Variants in LRP6 observed in about 807,000 individuals in gnomAD.
The protein encoded by LRP6 is LDL receptor related protein 6.
LRP6 carries 43 observed loss-of-function variants against 184.1 expected under a neutral mutation model. The observed-to-expected ratio is 0.23, with a 90% CI of 0.18 to 0.30. The LOEUF is 0.30. Among genes scored for constraint, LRP6 ranks in the 10% least tolerant of loss-of-function variants. LRP6 has a pLI of 1.00. For synonymous variants in LRP6, 719 were observed against 684.9 expected, an observed-to-expected ratio of 1.05 and a Z score of -0.78; for missense variants, 1,571 against 2,005.3, an observed-to-expected ratio of 0.78 and a Z score of 4.14.
intron 7 of LRP6, among the ~76,000 whole-genome samples, chr12:12,174,904 G>A (rs1225183845): frequency 1.3e-5 from 2 of 152,244 alleles, no homozygotes; most frequent in Admixed American, 1.3e-4. Context: ...AATTAGATTT[G>A]TACAAAACTA....
At chr12:12,237,295 T>C (rs1366662953) in intron 2 of LRP6, among the ~76,000 whole-genome samples, 2 of 152,034 alleles carry the variant, frequency 1.3e-5, no homozygotes, top group African/African-American at 4.8e-5. Flanking sequence ...TATAAATAAC[T>C]GAATAAATAA....
intron 17 of LRP6, among the ~76,000 whole-genome samples, chr12:12,134,727 A>AT (rs564875213): frequency 9.2e-4 from 140 of 152,258 alleles, no homozygotes; most frequent in African/African-American, 3.2e-3. Context: ...GAATTAATTC[A>AT]TTTTTTTACC....
At chr12:12,127,108 T>C (rs1409448048) in intron 19 of LRP6, among the ~76,000 whole-genome samples, 187 bp from the exon 20 acceptor site, 1 of 152,160 alleles carries the variant, frequency 6.6e-6, no homozygotes, top group African/African-American at 2.4e-5. Flanking sequence ...AATGTCATCA[T>C]TAGGAATCAA....
chr12:12,232,271 G>A (rs138187064), intron 2 of LRP6, among the ~76,000 whole-genome samples: 3 of 151,314 alleles, frequency 2.0e-5, no homozygotes, highest in African/African-American at 7.3e-5. Context: ...GTAGTCCCAG[G>A]TTATTGGGAG....
chr12:12,242,225 T>C (rs1865085212), intron 2 of LRP6, among the ~76,000 whole-genome samples: 1 of 152,202 alleles, frequency 6.6e-6, no homozygotes, highest in Admixed American at 6.5e-5. Flanking sequence ...TTCACATTCA[T>C]GTTACATAAT....
intron 1 of LRP6, among the ~76,000 whole-genome samples, chr12:12,248,635 C>A (rs962545335): frequency 2.6e-5 from 4 of 151,954 alleles, no homozygotes; most frequent in Non-Finnish European, 4.4e-5. Context: ...GCGCCCGCCA[C>A]TACGCCCAGC....
intron 11 of LRP6, among the ~76,000 whole-genome samples, chr12:12,159,497 G>A (rs1207688093): frequency 6.6e-6 from 1 of 152,088 alleles, no homozygotes; most frequent in East Asian, 1.9e-4. Context: ...AGGAAAAGAT[G>A]GAAATATATA....
intron 8 of LRP6, 119 bp downstream of exon 8, chr12:12,164,960 G>A: frequency 2.1e-6 from 1 of 472,136 alleles, no homozygotes; most frequent in South Asian, 2.6e-5. Context: ...AAAAAAGGCG[G>A]GGGGGCAGTA....
rs1478436091 is a variant in LRP6, at chr12:12,159,822, T to C, written c.2422A>G (p.Thr808Ala). The change falls in exon 11 of 23, where the codon ACA becomes GCA. Residue 808 changes from threonine (T) to alanine (A), a missense_variant. Thr to Ala is a moderately conservative substitution (Grantham distance 58). This residue lies in a region of LRP6 where 158 missense variants were observed against 258.4 expected (regional missense o/e 0.61). Coordinates refer to ENST00000261349, the MANE Select transcript of LRP6 (RefSeq NM_002336.3). ...IDYAKRRLYWTDLDTNLIESS... is the reference protein window; with the variant it reads ...IDYAKRRLYWADLDTNLIESS... ...TCTATTAAGTTGGTGTCCAGGTCTG[T>C]CCAATAAAGCCTCCTTTTAGCATAA... is the stretch of plus-strand genomic sequence containing the variant. 3 of 1,614,164 alleles carry C rather than the reference T, an allele frequency of 1.9e-6. No individual in the cohort carries two copies. The highest frequency in any genetic ancestry group is 2.5e-6 in the Non-Finnish European group (3 of 1,180,016).
At chr12:12,164,955 A>AAAAAAAAAAGG in intron 8 of LRP6, 124 bp downstream of exon 8, 1 of 528,570 alleles carries the variant, frequency 1.9e-6, no homozygotes, top group Non-Finnish European at 3.3e-6. Context: ...AAAAAAAAAA[A>AAAAAAAAAAGG]GGCGGGGGGG....
chr12:12,151,478 GAAA>G (rs200629196), intron 12 of LRP6, among the ~76,000 whole-genome samples: 2 of 94,586 alleles, frequency 2.1e-5, no homozygotes, highest in African/African-American at 4.0e-5. Flanking sequence ...CCCATCTAAG[GAAA>G]AAAAAAAAAA....
intron 17 of LRP6, among the ~76,000 whole-genome samples, chr12:12,134,120 T>C (rs1949797637): frequency 6.6e-6 from 1 of 152,222 alleles, no homozygotes; most frequent in South Asian, 2.1e-4. Flanking sequence ...AAACTTATAG[T>C]TCGACGAATA....
intron 6 of LRP6, among the ~76,000 whole-genome samples, chr12:12,180,372 A>G (rs1281335693): frequency 6.6e-6 from 1 of 151,722 alleles, no homozygotes; most frequent in African/African-American, 2.4e-5. Flanking sequence ...TGGCAAACTG[A>G]ATTCTCAAAA....
rs868071066 is a variant in LRP6 at position 12,190,056 on chromosome 12, A to C, written c.648-2937T>G. ...TTACTAAACACTCTGGGGATGCTTG[A>C]TAAAATTAAATGTTTTTAAGAAAAT... On this transcript the variant is annotated intron_variant, in intron 3 of 22. Coordinates refer to ENST00000261349, the MANE Select transcript of LRP6 (RefSeq NM_002336.3). Among the ~76,000 whole-genome samples the C allele has an allele frequency of 1.2e-4, 19 of 152,336 alleles. No homozygotes were observed. In the South Asian group the frequency reaches 1.4e-3, roughly 12 times the overall value.
intron 12 of LRP6, among the ~76,000 whole-genome samples, chr12:12,151,416 T>C (rs1466102091): frequency 1.3e-5 from 2 of 151,638 alleles, no homozygotes; most frequent in African/African-American, 4.9e-5. Context: ...CCTGGGCTTT[T>C]ATAAATTAAA....
chr12:12,129,332 T>C (rs1025961190), intron 19 of LRP6, among the ~76,000 whole-genome samples: 23 of 152,288 alleles, frequency 1.5e-4, no homozygotes, highest in African/African-American at 5.3e-4. Context: ...CTAGGCTCTT[T>C]AGAAGAAAAG....
In LRP6 at chr12:12,262,557, C is replaced by CAAA. The variant is rs57218812; in HGVS notation, c.55+4121_55+4123dup. On this transcript the variant is annotated intron_variant, in intron 1 of 22. Coordinates refer to ENST00000261349, the MANE Select transcript of LRP6 (RefSeq NM_002336.3). Reference sequence around the variant, plus strand: ...TGAGCGACAGAGCGAGACTCCGTCTCAAAAAAAAAAAAAAAAGCAAGCTAA... The same window carrying CAAA: ...TGAGCGACAGAGCGAGACTCCGTCTCAAAAAAAAAAAAAAAAAAAGCAAGCTAA... Among the ~76,000 whole-genome samples the CAAA allele has an allele frequency of 2.4e-4, 18 of 74,478 alleles. No homozygotes were observed. In the South Asian group the frequency reaches 2.8e-3, roughly 12 times the overall value. The allele number at this position is 74,478 out of a possible 152,430, so 48.9% of individuals were successfully genotyped here. A position where few individuals can be genotyped will look rare whatever the true frequency, so the allele number is the denominator to read the frequency against.
intron 2 of LRP6, among the ~76,000 whole-genome samples, chr12:12,216,719 T>C (rs1303989589): frequency 2.0e-5 from 3 of 150,682 alleles, no homozygotes; most frequent in Non-Finnish European, 4.4e-5. Flanking sequence ...CCAATAAAAC[T>C]AACGGATAAT....
chr12:12,240,709 A>G (rs182051364), intron 2 of LRP6, among the ~76,000 whole-genome samples: 39 of 152,324 alleles, frequency 2.6e-4, no homozygotes, highest in African/African-American at 8.9e-4. Context: ...ATGATTTGGA[A>G]TATGAAAGGA....
Sources: gnomAD v4.1 joint callset for allele counts (sites outside exome capture counted in the v4.1 genomes callset) on GRCh38, gnomAD v4.1.1 for gene constraint, gnomAD v4.1.1 regional missense constraint, MANE v1.5 for transcripts, NCBI Gene and HGNC (gene_info 2026-07-23, HGNC 2026-07-21) for gene names.